PER3: variants seen among roughly 807,000 people sequenced by gnomAD.
The protein encoded by PER3 is period circadian regulator 3, also known as period circadian protein homolog 3.
A neutral mutation model predicts 127.2 loss-of-function variants in PER3; 107 were observed. That is an observed-to-expected ratio of 0.84 (90% CI 0.72 to 0.99). PER3 has a LOEUF of 0.99. Ranked by LOEUF, PER3 falls within the 50% of genes least tolerant of loss-of-function variation. The probability of loss-of-function intolerance (pLI) is 0.00; values close to 1 mark genes in which losing one functional copy is unlikely to be tolerated. For missense variants in PER3, 1,560 were observed against 1,525.8 expected (o/e 1.02, Z -0.37); for synonymous variants, 618 against 585.8 (o/e 1.05, Z -0.79).
chr1:7,839,614 G>A (rs2097374752), intron 21 of PER3, among the ~76,000 whole-genome samples: 1 of 152,182 alleles, frequency 6.6e-6, no homozygotes, highest in Non-Finnish European at 1.5e-5. Context: ...GCTTTTGTTT[G>A]TCTGGGAATG....
At chr1:7,804,044 C>T in intron 10 of PER3, 196 bp downstream of exon 10, 1 of 430,274 alleles carries the variant, frequency 2.3e-6, no homozygotes, top group Non-Finnish European at 4.1e-6. Flanking sequence ...CTTAAAGTAG[C>T]TTAAATATCC....
chr1:7,787,085 T>A, intron 4 of PER3: 1 of 390,780 alleles, frequency 2.6e-6, no homozygotes, highest in Admixed American at 4.3e-5. Flanking sequence ...TCTAGCTCCT[T>A]AGCATTCCCA....
chr1:7,802,284 A>G (rs1268664896), intron 8 of PER3, among the ~76,000 whole-genome samples: 1 of 151,856 alleles, frequency 6.6e-6, no homozygotes, highest in Non-Finnish European at 1.5e-5. Flanking sequence ...TGTTTTTGAG[A>G]TGGAGTCTCA....
chr1:7,814,211 T>C (rs1374276926), intron 13 of PER3, among the ~76,000 whole-genome samples: 21 of 152,148 alleles, frequency 1.4e-4, no homozygotes, highest in Admixed American at 1.4e-3. Context: ...GAAGAAATAG[T>C]TGAAGAAATA....
At chr1:7,801,062 T>C in intron 7 of PER3, 51 bp from the exon 8 acceptor site, 1 of 1,036,442 alleles carries the variant, frequency 9.6e-7, no homozygotes, top group South Asian at 1.3e-5. Flanking sequence ...GTTAGGTGGA[T>C]AATTAATTAG....
chr1:7,833,523 A>G lies in PER3; in HGVS notation c.3215-2239A>G, dbSNP rs566916628. Among the ~76,000 whole-genome samples the G allele has an allele frequency of 3.3e-5, 5 of 152,192 alleles. No homozygotes were observed. The East Asian group carries it at 5.8e-4, about 18-fold the overall frequency. On this transcript the variant is annotated intron_variant, in intron 19 of 21. Coordinates refer to ENST00000377532, the MANE Select transcript of PER3 (RefSeq NM_001377275.1). ...TATCCTGAAATATGTCTTGCTTTGAAGTCTGCTTTGTCTGATATCAGTGTA... is the reference window on the plus strand; with the variant it reads ...TATCCTGAAATATGTCTTGCTTTGAGGTCTGCTTTGTCTGATATCAGTGTA...
intron 19 of PER3, 66 bp from the exon 20 acceptor site, chr1:7,835,696 T>C (rs2097354792): frequency 1.2e-5 from 14 of 1,146,760 alleles, no homozygotes; most frequent in Admixed American, 1.9e-5. Flanking sequence ...GTCTGAAGAA[T>C]GAGAGCCAGT....
intron 19 of PER3, 101 bp downstream of exon 19, chr1:7,830,262 G>C: frequency 9.2e-7 from 1 of 1,087,446 alleles, no homozygotes; most frequent in South Asian, 1.5e-5. Flanking sequence ...GGAAGTACAA[G>C]GTTTTTTTTT....
At chr1:7,840,141 C>T (rs1283398171) in intron 21 of PER3, among the ~76,000 whole-genome samples, 1 of 152,068 alleles carries the variant, frequency 6.6e-6, no homozygotes, top group Admixed American at 6.6e-5. Context: ...CTTTCTTCTG[C>T]CTGCTTAGAT....
chr1:7,797,748 C>A (rs747774035), intron 6 of PER3, among the ~76,000 whole-genome samples: 15 of 151,916 alleles, frequency 9.9e-5, no homozygotes, highest in Non-Finnish European at 2.1e-4. Context: ...TACGTGCTGG[C>A]GAGAGAGTAA....
chr1:7,787,982 C>A, intron 4 of PER3, 63 bp from the exon 5 acceptor site: 1 of 1,221,976 alleles, frequency 8.2e-7, no homozygotes, highest in Non-Finnish European at 1.2e-6. Flanking sequence ...AGAAATTTAC[C>A]TTTCAGGGAA....
At chr1:7,828,997 G>T (rs867851656) in intron 18 of PER3, among the ~76,000 whole-genome samples, 1 of 152,110 alleles carries the variant, frequency 6.6e-6, no homozygotes, top group Non-Finnish European at 1.5e-5. Flanking sequence ...AAGTAGTAGT[G>T]CCTTAATATT....
At chr1:7,841,828 T>C (rs61071946) in intron 21 of PER3, among the ~76,000 whole-genome samples, 7,403 of 152,168 alleles carry the variant, frequency 0.049, 618 homozygotes, top group East Asian at 0.27. Context: ...TGGTTGTAAA[T>C]AGACAGGTAT....
In PER3 at chr1:7,827,346, T is replaced by G; in HGVS notation, c.2417T>G (p.Leu806Arg). The change falls in exon 18 of 22, where the codon CTC becomes CGC. Residue 806 changes from leucine to arginine, a missense_variant. Coordinates refer to ENST00000377532, the MANE Select transcript of PER3 (RefSeq NM_001377275.1). ...AAMVPSQAPYLVPAFPLPAAT... is the reference protein window; with the variant it reads ...AAMVPSQAPYRVPAFPLPAAT... ...ATGGTGCCCAGCCAGGCCCCTTACC[T>G]CGTCCCAGCTTTTCCCCTCCCAGCC... The G allele has an allele frequency of 3.1e-6, 5 of 1,613,870 alleles. No individual in the cohort carries two copies. The highest frequency in any genetic ancestry group is 4.2e-6 in the Non-Finnish European group (5 of 1,179,952).
At chr1:7,791,192 C>T (rs1219602770) in intron 5 of PER3, among the ~76,000 whole-genome samples, 1 of 148,860 alleles carries the variant, frequency 6.7e-6, no homozygotes, top group Admixed American at 6.8e-5. Flanking sequence ...TATGAGGGCT[C>T]CGCCCCTGTA....
rs144610753 is a variant in PER3 at position 7,827,744 on chromosome 1, C to T, written c.2815C>T (p.Gln939Ter). Residue 939 changes from glutamine to a stop codon, truncating the protein, a stop_gained, in exon 18 of 22, where the codon CAG becomes TAG. Transcript: ENST00000377532. LOFTEE classifies it high-confidence loss of function. The part of the protein sequence containing the change: ...SSSPLQLNLL[Q>*]EEMPRPSESP... ...CTCACCCTTGCAGTTAAACTTACTT[C>T]AGGAAGAGATGCCCAGACCCTCTGA... 1 of 1,614,058 alleles carries T rather than the reference C, an allele frequency of 6.2e-7. No homozygotes were observed. The highest frequency in any genetic ancestry group is 8.5e-7 in the Non-Finnish European group (1 of 1,180,018).
chr1:7,832,944 C>T (rs1291978379), intron 19 of PER3, among the ~76,000 whole-genome samples: 1 of 151,618 alleles, frequency 6.6e-6, no homozygotes, highest in Non-Finnish European at 1.5e-5. Flanking sequence ...GTTCAACAAT[C>T]CTCTGGCCTC....
intron 20 of PER3, among the ~76,000 whole-genome samples, chr1:7,836,182 G>C (rs1411291695): frequency 3.3e-5 from 5 of 151,592 alleles, no homozygotes; most frequent in Non-Finnish European, 7.4e-5. Context: ...ATTTTTAGTA[G>C]AGACGGGGTT....
At chr1:7,835,301 A>G (rs931114797) in intron 19 of PER3, among the ~76,000 whole-genome samples, 5 of 152,234 alleles carry the variant, frequency 3.3e-5, no homozygotes, top group African/African-American at 4.8e-5. Flanking sequence ...AACAAAGTCA[A>G]TAATTGGCTT....
Sources: allele counts gnomAD v4.1 joint callset (sites outside exome capture counted in the v4.1 genomes callset), GRCh38; gene constraint gnomAD v4.1.1; transcripts MANE v1.5; gene names NCBI Gene and HGNC (gene_info 2026-07-23, HGNC 2026-07-21).